MAML1: variants seen among roughly 807,000 people sequenced by gnomAD.
MAML1 encodes the protein mastermind like transcriptional coactivator 1, also known as mastermind-like protein 1.
In MAML1, 14 loss-of-function variants were observed where a neutral mutation model predicts 77.1. The ratio of observed to expected loss-of-function variants is 0.18; its 90% CI spans 0.12 to 0.28. MAML1 has a LOEUF of 0.28. Ranked by LOEUF, MAML1 falls within the 10% of genes least tolerant of loss-of-function variation. The pLI, the probability that MAML1 is intolerant of heterozygous loss-of-function variation, is 1.00. For synonymous variants in MAML1, 516 were observed against 551.9 expected (o/e 0.93, Z 0.91); for missense variants, 1,217 against 1,327.8 (o/e 0.92, Z 1.30).
Position 179,776,335 on chromosome 5 carries a change from C to G in MAML1, c.*1458C>G. On this transcript the variant is annotated 3_prime_UTR_variant, in exon 5 of 5. Transcript: ENST00000292599. ...TGTGAGAATTGAGCCAAGGAAAATA[C>G]TCATGCAACCAGCCTGAGTCGCGGT... 1 of 985,856 alleles carries G rather than the reference C, an allele frequency of 1.0e-6. No homozygotes were observed. The highest frequency in any genetic ancestry group is 1.2e-6 in the Non-Finnish European group (1 of 829,956). 61.1% of individuals were successfully genotyped at this position (985,856 alleles called of 1,614,324 possible).
chr5:179,747,990 G>A (rs1277035818), intron 1 of MAML1, among the ~76,000 whole-genome samples: 2 of 151,960 alleles, frequency 1.3e-5, no homozygotes, highest in Non-Finnish European at 2.9e-5. Flanking sequence ...TCATGGGCTC[G>A]GGGAAGAGAT....
chr5:179,765,740 C>T lies in MAML1; in HGVS notation c.730C>T (p.Leu244Phe), dbSNP rs1204829228. The change falls in exon 2 of 5, where the codon CTC (leucine) becomes TTC (phenylalanine). Residue 244 changes from leucine to phenylalanine, a missense_variant. Physicochemically the swap from Leu to Phe is conservative, Grantham distance 22. Around this residue, in one of 3 missense-constraint regions of MAML1, gnomAD observed 21 missense variants for 47.1 expected, o/e 0.45. Coordinates refer to ENST00000292599, the MANE Select transcript of MAML1 (RefSeq NM_014757.5). ...SISQSNLMPD[L>F]NLNEQEWKEL... ...ATCGCAAAGCAACCTCATGCCAGAC[C>T]TCAACCTTAACGAGCAGGAGTGGAA... 2 of 1,614,004 alleles carry T rather than the reference C, an allele frequency of 1.2e-6. No homozygotes were observed. The highest frequency in any genetic ancestry group is 2.2e-5 in the South Asian group (2 of 91,074).
In MAML1 at chr5:179,768,802, G is replaced by T. The variant is rs984077978; in HGVS notation, c.1732-48G>T. 1.9e-6 allele frequency: 3 copies of T among 1,602,304 alleles called. No homozygotes were observed. The African/African-American group carries it at 4.0e-5, about 21-fold the overall frequency. ...GAATTCACTGGATGGAGCTTATTTG[G>T]TCTGATCAGAGCTTAGAGACTTCAC... is the stretch of plus-strand genomic sequence containing the variant. On this transcript the variant is annotated intron_variant, in intron 2 of 4. Coordinates refer to ENST00000292599, the MANE Select transcript of MAML1 (RefSeq NM_014757.5).
rs764292221 is a variant in MAML1 at position 179,774,574 on chromosome 5, C to T, written c.2748C>T (p.Ala916=). Residue 916 remains alanine (A), a synonymous_variant, in exon 5 of 5, where the codon GCC becomes GCT. Transcript: ENST00000292599. ...CACAGCAGAGGACCAGCGCCCCTGC[C>T]CCAGCACCACCCCCAACAGCCCCTC... is the stretch of plus-strand genomic sequence containing the variant. ...VSAQQRTSAP[A]PAPPPTAPQQ... 7.4e-6 allele frequency: 12 copies of T among 1,612,608 alleles called. 1 individual carries two copies. In the South Asian group the frequency reaches 1.2e-4, roughly 16 times the overall value.
rs188923223 is a variant in MAML1, at chr5:179,756,269, C to G, written c.316-9057C>G. 7.7e-4 allele frequency among the ~76,000 whole-genome samples: 116 copies of G among 150,938 alleles called. No homozygotes were observed. The Middle Eastern group carries it at 0.01, about 13-fold the overall frequency. ...TGAAACCCCATCTCTACTAAAAATA[C>G]AAAAAATTGGCCGGGTGTGGTGGCG... On this transcript the variant is annotated intron_variant, in intron 1 of 4. Coordinates refer to ENST00000292599, the MANE Select transcript of MAML1 (RefSeq NM_014757.5).
chr5:179,752,342 A>ATATATATATATATATATATATATATAT (rs1351079259), intron 1 of MAML1, among the ~76,000 whole-genome samples: 5 of 86,578 alleles, frequency 5.8e-5, no homozygotes, highest in Non-Finnish European at 9.1e-5. Context: ...AAAAAAAAAA[A>ATATATATATATATATATATATATATAT]AAAAAAAAAT....
chr5:179,760,135 G>T (rs896017176), intron 1 of MAML1, among the ~76,000 whole-genome samples: 2 of 148,680 alleles, frequency 1.3e-5, no homozygotes, highest in Admixed American at 6.7e-5. Context: ...TCTTCGGATA[G>T]ACAGAAGTAA....
At chr5:179,749,520 CA>C (rs1446211674) in intron 1 of MAML1, among the ~76,000 whole-genome samples, 3 of 152,102 alleles carry the variant, frequency 2.0e-5, no homozygotes, top group Non-Finnish European at 4.4e-5. Flanking sequence ...CTCGGCTTCC[CA>C]AAGTGGTGGG....
At chr5:179,752,515 C>G (rs1779514601) in intron 1 of MAML1, among the ~76,000 whole-genome samples, 1 of 50,484 alleles carries the variant, frequency 2.0e-5, no homozygotes, top group Admixed American at 2.3e-4. Flanking sequence ...TTTGCCCACA[C>G]TTGTGGCTGG....
chr5:179,770,856 A>G, intron 3 of MAML1: 1 of 298,884 alleles, frequency 3.3e-6, no homozygotes, highest in East Asian at 8.1e-5. Flanking sequence ...TTATCATCTG[A>G]CTTTGATTCT....
intron 1 of MAML1, among the ~76,000 whole-genome samples, chr5:179,755,831 C>A (rs1779602173): frequency 6.6e-6 from 1 of 150,520 alleles, no homozygotes; most frequent in African/African-American, 2.4e-5. Flanking sequence ...ATGGCGTGAT[C>A]TCAGCTCACT....
At chr5:179,739,557 A>T (rs1457768923) in intron 1 of MAML1, among the ~76,000 whole-genome samples, 1 of 152,180 alleles carries the variant, frequency 6.6e-6, no homozygotes, top group Non-Finnish European at 1.5e-5. Context: ...GGTGGCATGC[A>T]TCTGTATTCT....
At chr5:179,773,808 C>T (rs534068267) in intron 4 of MAML1, 87 bp from the exon 5 acceptor site, 29 of 1,524,200 alleles carry the variant, frequency 1.9e-5, no homozygotes, top group Middle Eastern at 2.1e-4. Flanking sequence ...GTGCCGTGAA[C>T]GTGAGACTTC....
intron 1 of MAML1, among the ~76,000 whole-genome samples, chr5:179,734,982 A>G (rs1779137882): frequency 6.6e-6 from 1 of 152,188 alleles, no homozygotes; most frequent in Non-Finnish European, 1.5e-5. Flanking sequence ...TGCCGCCCCC[A>G]GGATTCTTTT....
intron 1 of MAML1, among the ~76,000 whole-genome samples, chr5:179,751,200 T>C (rs552111399): frequency 2.6e-5 from 4 of 151,978 alleles, no homozygotes; most frequent in Admixed American, 2.6e-4. Flanking sequence ...CTCAAACTCC[T>C]GACCTCAGGT....
intron 1 of MAML1, among the ~76,000 whole-genome samples, chr5:179,740,289 C>G (rs957634159): frequency 1.3e-5 from 2 of 152,080 alleles, no homozygotes; most frequent in Non-Finnish European, 2.9e-5. Context: ...TATGATCCAA[C>G]TTAGGTTTTT....
intron 1 of MAML1, among the ~76,000 whole-genome samples, chr5:179,739,609 G>A (rs962163323): frequency 2.0e-5 from 3 of 152,154 alleles, no homozygotes; most frequent in African/African-American, 4.8e-5. Flanking sequence ...GCGTGGGACC[G>A]GGAGGTAAAG....
intron 1 of MAML1, among the ~76,000 whole-genome samples, chr5:179,753,063 G>A (rs558604682): frequency 6.6e-6 from 1 of 152,254 alleles, no homozygotes; most frequent in African/African-American, 2.4e-5. Flanking sequence ...GTGAACCACA[G>A]CACCTGGCCC....
intron 1 of MAML1, among the ~76,000 whole-genome samples, chr5:179,738,265 C>T (rs1370224998): frequency 6.6e-6 from 1 of 152,140 alleles, no homozygotes; most frequent in East Asian, 1.9e-4. Context: ...GTATGCTGCA[C>T]ACCTCATAGC....
Sources: allele counts gnomAD v4.1 joint callset (sites outside exome capture counted in the v4.1 genomes callset), GRCh38; gene constraint gnomAD v4.1.1; regional missense constraint gnomAD v4.1.1; transcripts MANE v1.5; gene names NCBI Gene and HGNC (gene_info 2026-07-23, HGNC 2026-07-21).